Variants in HMCN2 observed in about 807,000 individuals in gnomAD.
HMCN2 encodes the protein hemicentin-2.
In HMCN2, 325 loss-of-function variants were observed where a neutral mutation model predicts 377.5. That is an observed-to-expected ratio of 0.86 (90% CI 0.79 to 0.94). The LOEUF is 0.94. Among genes scored for constraint, HMCN2 ranks in the 40% least tolerant of loss-of-function variants. The pLI, the probability that HMCN2 is intolerant of heterozygous loss-of-function variation, is 0.00. For synonymous variants in HMCN2, 2,007 were observed against 2,046.8 expected, an observed-to-expected ratio of 0.98 and a Z score of 0.53; for missense variants, 4,543 against 4,725.3, an observed-to-expected ratio of 0.96 and a Z score of 1.13.
Position 130,383,495 on chromosome 9 carries a change from C to T in HMCN2, c.8734-9C>T. ...GGTATCTCCCAGGCATGGCTCCCTG[C>T]ACCCACAGGTTTCCACGGCAGAGGT... On this transcript the variant is annotated splice_polypyrimidine_tract_variant and intron_variant, in intron 56 of 97. Transcript: ENST00000683500. 1.0e-6 allele frequency: 1 copy of T among 985,394 alleles called. No individual in the cohort carries two copies. Among genetic ancestry groups the T allele is most frequent in the Non-Finnish European group, 1.2e-6 (1 of 829,474 alleles). 61.0% of individuals were successfully genotyped at this position (985,394 alleles called of 1,614,324 possible).
chr9:130,319,408 G>C (rs1295764300), intron 15 of HMCN2, 87 bp from the exon 16 acceptor site: 2 of 152,442 alleles, frequency 1.3e-5, no homozygotes, highest in Non-Finnish European at 2.9e-5. Context: ...CAATAGTACA[G>C]GAGGAGGAGA....
At chr9:130,406,303 A>T (rs561212181) in intron 82 of HMCN2, 135 bp downstream of exon 82, 21 of 716,200 alleles carry the variant, frequency 2.9e-5, no homozygotes, top group Non-Finnish European at 4.2e-6. Context: ...GGGTCTTCCA[A>T]CGTGGCCCTA....
intron 15 of HMCN2, among the ~76,000 whole-genome samples, chr9:130,312,136 TCA>T (rs1232326189): frequency 6.6e-6 from 1 of 152,118 alleles, no homozygotes; most frequent in African/African-American, 2.4e-5. Flanking sequence ...TTGCCCAAGA[TCA>T]CACAGCTGGC....
chr9:130,342,604 T>A (rs972352517), intron 25 of HMCN2, among the ~76,000 whole-genome samples, 168 bp downstream of exon 25: 1 of 152,136 alleles, frequency 6.6e-6, no homozygotes, highest in East Asian at 1.9e-4. Flanking sequence ...TGCAGGATGG[T>A]GTTATTGCCC....
At chr9:130,268,111 C>T (rs1554919880) in intron 1 of HMCN2, among the ~76,000 whole-genome samples, 2 of 152,204 alleles carry the variant, frequency 1.3e-5, no homozygotes, top group African/African-American at 2.4e-5. Context: ...TCCAGTGGCC[C>T]AGCAGGATAG....
chr9:130,281,464 G>A (rs1835115823), intron 1 of HMCN2, among the ~76,000 whole-genome samples: 1 of 151,868 alleles, frequency 6.6e-6, no homozygotes. Context: ...CCGGCATGGC[G>A]GTACACCTCT....
At position 130,393,261 on chromosome 9, in the gene HMCN2, G is replaced by A. The variant is rs928355478; in HGVS notation, c.10186G>A (p.Ala3396Thr). Residue 3396 changes from alanine (A) to threonine (T), a missense_variant, in exon 67 of 98, where the codon GCA (alanine) becomes ACA (threonine). Ala to Thr is a moderately conservative substitution (Grantham distance 58). Transcript: ENST00000683500. This position sits in a 1 kb window ranked among gnomAD's most constrained non-coding sequence, Gnocchi z 5.2. The stretch of plus-strand genomic sequence containing the variant: ...CGCTGGCATCTTCACCTGTGTGGCC[G>A]CAAGCCCAGCTGGCGTGGCGGACAG... ...ADAGIFTCVA[A>T]SPAGVADRNF... is the part of the protein sequence containing the mutation. The A allele has an allele frequency of 6.1e-6, 6 of 988,404 alleles. No homozygotes were observed. Among genetic ancestry groups the A allele is most frequent in the African/African-American group, 1.7e-5 (1 of 57,314 alleles). 61.2% of individuals were successfully genotyped at this position (988,404 alleles called of 1,614,324 possible).
Position 130,360,647 on chromosome 9 carries a change from G to T in HMCN2, c.5950+43G>T. ...TACAAGGTCCCTTGTCCAAAAAGTT[G>T]TCTTTTCATTCATTTGTCTATTAGT... is the stretch of plus-strand genomic sequence containing the variant. On this transcript the variant is annotated intron_variant, in intron 38 of 97. Coordinates refer to ENST00000683500, the MANE Select transcript of HMCN2 (RefSeq NM_001291815.2). The surrounding 1 kb of genome is among the most constrained non-coding windows in gnomAD (Gnocchi z 4.7). 1 of 1,215,178 alleles carries T rather than the reference G, an allele frequency of 8.2e-7. No homozygotes were observed. Among genetic ancestry groups the T allele is most frequent in the Non-Finnish European group, 1.1e-6 (1 of 929,316 alleles). The allele number at this position is 1,215,178 out of a possible 1,614,324, so 75.3% of individuals were successfully genotyped here. A position where few individuals can be genotyped will look rare whatever the true frequency, so the allele number is the denominator to read the frequency against.
chr9:130,397,744 A>G lies in HMCN2; in HGVS notation c.11326+89A>G, dbSNP rs955672035. On this transcript the variant is annotated intron_variant, in intron 74 of 97. Transcript: ENST00000683500. ...CTGAGTCACCCCAGCTGTAGGGGCC[A>G]AGAGCCAATGGTCTTCAAATGTTTT... 3.4e-6 allele frequency: 4 copies of G among 1,173,352 alleles called. No individual in the cohort carries two copies. In the African/African-American group the frequency reaches 4.8e-5, roughly 14 times the overall value. 72.7% of individuals were successfully genotyped at this position (1,173,352 alleles called of 1,614,324 possible).
At chr9:130,410,458 G>A (rs1843349421) in intron 84 of HMCN2, 113 bp from the exon 85 acceptor site, 1 of 896,590 alleles carries the variant, frequency 1.1e-6, no homozygotes, top group South Asian at 1.5e-5. Flanking sequence ...CCCCTGGCTG[G>A]TTCACAGCCT....
chr9:130,397,303 C>A (rs553574217), intron 73 of HMCN2, among the ~76,000 whole-genome samples: 2 of 152,178 alleles, frequency 1.3e-5, no homozygotes, highest in African/African-American at 4.8e-5. Flanking sequence ...GAGATCAGCA[C>A]GGGAAAGACC....
chr9:130,287,329 G>C (rs541782625), intron 4 of HMCN2, among the ~76,000 whole-genome samples: 5 of 151,714 alleles, frequency 3.3e-5, no homozygotes, highest in Admixed American at 3.3e-4. Context: ...GCTCCTCCCC[G>C]CCCGGGGCCT....
intron 86 of HMCN2, among the ~76,000 whole-genome samples, chr9:130,420,898 C>T (rs1843968673): frequency 6.6e-6 from 1 of 151,864 alleles, no homozygotes; most frequent in African/African-American, 2.4e-5. Context: ...CATAACCCAG[C>T]CTCCTTATTT....
intron 44 of HMCN2, among the ~76,000 whole-genome samples, 199 bp downstream of exon 44, chr9:130,368,636 G>A (rs1167614033): frequency 6.6e-6 from 1 of 152,082 alleles, no homozygotes; most frequent in Non-Finnish European, 1.5e-5. Context: ...TAAACGAGAG[G>A]CTTAATTGAC....
At chr9:130,286,019 G>A (rs1402366638) in intron 3 of HMCN2, among the ~76,000 whole-genome samples, 169 bp from the exon 4 acceptor site, 2 of 152,178 alleles carry the variant, frequency 1.3e-5, no homozygotes, top group African/African-American at 4.8e-5. Context: ...CCCATGAGAT[G>A]GGCACTTCTA....
intron 36 of HMCN2, 30 bp from the exon 37 acceptor site, chr9:130,359,289 C>A (rs1564814529): frequency 2.4e-6 from 3 of 1,242,092 alleles, no homozygotes; most frequent in Non-Finnish European, 2.1e-6. Context: ...TTGCACCTAC[C>A]AAGCTGGGTC....
chr9:130,418,610 A>C (rs17146943), intron 85 of HMCN2, among the ~76,000 whole-genome samples, 162 bp from the exon 86 acceptor site: 5,925 of 152,328 alleles, frequency 0.039, 378 homozygotes, highest in African/African-American at 0.13. Flanking sequence ...CAGTGTCTAG[A>C]GGGAAATATT....
At chr9:130,313,071 C>T (rs1258987477) in intron 15 of HMCN2, among the ~76,000 whole-genome samples, 1 of 152,178 alleles carries the variant, frequency 6.6e-6, no homozygotes, top group Non-Finnish European at 1.5e-5. Context: ...CTTTCTGGGC[C>T]ACTGGTGGCC....
chr9:130,305,069 C>T (rs577033230), intron 11 of HMCN2, 67 bp downstream of exon 11: 44 of 433,090 alleles, frequency 1.0e-4, no homozygotes, highest in African/African-American at 7.4e-4. Context: ...CCCCAGAAGC[C>T]GCGAGTCCTT....
Sources: allele counts gnomAD v4.1 joint callset (sites outside exome capture counted in the v4.1 genomes callset), GRCh38; gene constraint gnomAD v4.1.1; non-coding constraint Gnocchi (gnomAD v3.1); transcripts MANE v1.5; gene names NCBI Gene and HGNC (gene_info 2026-07-23, HGNC 2026-07-21).